Variants in LRRC37A2 observed in about 807,000 individuals in gnomAD.
LRRC37A2 encodes the protein leucine rich repeat containing 37 member A2.
LRRC37A2 carries 9 observed loss-of-function variants against 68.8 expected under a neutral mutation model. The observed-to-expected ratio is 0.13, with a 90% CI of 0.08 to 0.23. The LOEUF (loss-of-function observed/expected upper bound fraction) is 0.23, where lower values mean the gene tolerates loss of function less well. LRRC37A2 is among the 10% of genes least tolerant of loss of function. LRRC37A2 has a pLI of 1.00. For missense variants in LRRC37A2, 168 were observed against 950.4 expected (o/e 0.18, Z 10.82); for synonymous variants, 63 against 367.6 (o/e 0.17, Z 9.48).
chr17:46,995,351 C>T, the LRRC37A2 span, among the ~76,000 whole-genome samples: 1 of 152,184 alleles, frequency 6.6e-6, no homozygotes, highest in African/African-American at 2.4e-5. Flanking sequence ...TAATTTGAGT[C>T]ACTAGAGGTA....
chr17:47,019,221 A>G, the LRRC37A2 span: 1 of 1,499,094 alleles, frequency 6.7e-7, no homozygotes. Context: ...TCCAAAATCC[A>G]TGACAGAGGT....
chr17:47,001,856 G>A, the LRRC37A2 span, among the ~76,000 whole-genome samples: 1,009 of 151,288 alleles, frequency 6.7e-3, 8 homozygotes, highest in African/African-American at 0.023. Context: ...CGAGTAGCTG[G>A]GACTACAGGC....
the LRRC37A2 span, among the ~76,000 whole-genome samples, chr17:46,820,457 A>G: frequency 6.6e-6 from 1 of 151,404 alleles, no homozygotes; most frequent in Non-Finnish European, 1.5e-5. Flanking sequence ...AGGCTGAGCC[A>G]CCGGTGTGAG....
At chr17:46,543,531 C>G (rs1398705278) in intron 8 of LRRC37A2, among the ~76,000 whole-genome samples, 1 of 150,854 alleles carries the variant, frequency 6.6e-6, no homozygotes, top group Non-Finnish European at 1.5e-5. Flanking sequence ...TATGAAGTTC[C>G]ATTGAGTGAT....
the LRRC37A2 span, among the ~76,000 whole-genome samples, chr17:46,655,900 G>A: frequency 4.5e-5 from 4 of 88,794 alleles, no homozygotes; most frequent in Admixed American, 2.9e-4. Flanking sequence ...ATGTTATCTA[G>A]AAATGAATCT....
the LRRC37A2 span, among the ~76,000 whole-genome samples, chr17:46,959,267 C>A: frequency 6.6e-6 from 1 of 152,210 alleles, no homozygotes; most frequent in Non-Finnish European, 1.5e-5. Flanking sequence ...CTCCAATTTA[C>A]AAACATTTTT....
chr17:47,011,606 A>G, the LRRC37A2 span, among the ~76,000 whole-genome samples: 2 of 148,272 alleles, frequency 1.3e-5, no homozygotes, highest in East Asian at 4.0e-4. Flanking sequence ...AGGTCTTGGT[A>G]TGTTTCCAAG....
chr17:46,809,488 ACACT>A, the LRRC37A2 span, among the ~76,000 whole-genome samples: 4 of 152,080 alleles, frequency 2.6e-5, no homozygotes, highest in Non-Finnish European at 4.4e-5. Context: ...ACACGTACAC[ACACT>A]CAGTCCTCGC....
the LRRC37A2 span, among the ~76,000 whole-genome samples, chr17:46,813,090 G>A: frequency 6.6e-6 from 1 of 152,090 alleles, no homozygotes; most frequent in East Asian, 1.9e-4. Context: ...TGGCTTGGCA[G>A]GAGTGGGGCA....
chr17:46,722,308 T>G, the LRRC37A2 span: 1 of 733,128 alleles, frequency 1.4e-6, no homozygotes. Context: ...ACCTCCAGCC[T>G]CAGTCCTCCT....
the LRRC37A2 span, among the ~76,000 whole-genome samples, chr17:46,792,025 G>A: frequency 6.6e-6 from 1 of 152,228 alleles, no homozygotes; most frequent in African/African-American, 2.4e-5. Flanking sequence ...GGGCAACAGA[G>A]TGAGATCCTG....
At chr17:46,860,115 T>G in the LRRC37A2 span, among the ~76,000 whole-genome samples, 1 of 152,174 alleles carries the variant, frequency 6.6e-6, no homozygotes, top group Non-Finnish European at 1.5e-5. Context: ...GGAAGGAATT[T>G]AGGCCAGCTT....
the LRRC37A2 span, among the ~76,000 whole-genome samples, chr17:46,957,739 C>G: frequency 6.6e-6 from 1 of 152,168 alleles, no homozygotes; most frequent in Admixed American, 6.5e-5. Context: ...ATGGCAGCCC[C>G]AGGATGCAGT....
chr17:46,996,349 T>C, the LRRC37A2 span, among the ~76,000 whole-genome samples: 1 of 152,214 alleles, frequency 6.6e-6, no homozygotes, highest in Non-Finnish European at 1.5e-5. Flanking sequence ...GTACAGGCTT[T>C]AGAGTGAGAA....
the LRRC37A2 span, among the ~76,000 whole-genome samples, chr17:46,943,867 G>C: frequency 6.6e-6 from 1 of 152,216 alleles, no homozygotes; most frequent in African/African-American, 2.4e-5. Flanking sequence ...AACTTGTCTG[G>C]GTTTTAAAGC....
the LRRC37A2 span, among the ~76,000 whole-genome samples, chr17:47,036,724 ACT>A: frequency 6.6e-6 from 1 of 150,880 alleles, no homozygotes; most frequent in Non-Finnish European, 1.5e-5. Context: ...CCAGTATCAC[ACT>A]GTGATTGCTG....
At chr17:46,853,389 T>TTTTTTA in the LRRC37A2 span, among the ~76,000 whole-genome samples, 1 of 146,384 alleles carries the variant, frequency 6.8e-6, no homozygotes, top group East Asian at 2.0e-4. Context: ...TTTTTTTTTT[T>TTTTTTA]AAGACGGAGT....
the LRRC37A2 span, among the ~76,000 whole-genome samples, chr17:46,803,916 C>T: frequency 5.6e-4 from 86 of 152,248 alleles, no homozygotes; most frequent in African/African-American, 1.9e-3. Context: ...AGGCTGTAGG[C>T]GGGCATTTCT....
chr17:46,935,701 T>C, the LRRC37A2 span: 2 of 988,636 alleles, frequency 2.0e-6, no homozygotes, highest in East Asian at 1.1e-4. Flanking sequence ...CCCGTGCTGG[T>C]GATCCCAGCG....
Sources: gnomAD v4.1 joint callset for allele counts (sites outside exome capture counted in the v4.1 genomes callset) on GRCh38, gnomAD v4.1.1 for gene constraint, MANE v1.5 for transcripts, NCBI Gene and HGNC (gene_info 2026-07-23, HGNC 2026-07-21) for gene names.